EPHA4: variants seen among roughly 807,000 people sequenced by gnomAD.
The protein encoded by EPHA4 is ephrin type-A receptor 4.
EPHA4 carries 19 observed loss-of-function variants against 108.3 expected under a neutral mutation model. The observed-to-expected ratio is 0.18, with a 90% CI of 0.12 to 0.26. The LOEUF (loss-of-function observed/expected upper bound fraction) is 0.26, where lower values mean the gene tolerates loss of function less well. EPHA4 is among the 10% of genes least tolerant of loss of function. The probability of loss-of-function intolerance (pLI) is 1.00; values close to 1 mark genes in which losing one functional copy is unlikely to be tolerated. For synonymous variants in EPHA4, 449 were observed against 455.5 expected, an observed-to-expected ratio of 0.99 and a Z score of 0.18; for missense variants, 917 against 1,254.0, an observed-to-expected ratio of 0.73 and a Z score of 4.06.
chr2:221,470,897 G>T (rs1199274671), intron 5 of EPHA4, among the ~76,000 whole-genome samples: 2 of 152,028 alleles, frequency 1.3e-5, no homozygotes, highest in African/African-American at 4.8e-5. Context: ...CAAAAGCTAT[G>T]GTACAGGTTA....
intron 3 of EPHA4, among the ~76,000 whole-genome samples, chr2:221,503,913 C>T (rs1286124248): frequency 1.3e-5 from 2 of 152,178 alleles, no homozygotes; most frequent in Non-Finnish European, 2.9e-5. Flanking sequence ...TAGTACATTT[C>T]TTTGCTCTAT....
rs775214398 is a variant in EPHA4 at position 221,563,861 on chromosome 2, G to A, written c.693C>T (p.Gly231=). 1.1e-5 allele frequency: 18 copies of A among 1,614,078 alleles called. No individual in the cohort carries two copies. The African/African-American group carries it at 2.3e-4, about 20-fold the overall frequency. Residue 231 remains glycine, a synonymous_variant, in exon 3 of 18, where the codon GGC becomes GGT. Coordinates refer to ENST00000281821, the MANE Select transcript of EPHA4 (RefSeq NM_004438.5). ...ADTSSLVEVR[G]SCVNNSEEKD... ...TCTCTTCTGAGTTGTTGACACAGGAGCCTCGAACTTCCACCAGGGAAGACG... is the reference window on the plus strand; with the variant it reads ...TCTCTTCTGAGTTGTTGACACAGGAACCTCGAACTTCCACCAGGGAAGACG...
rs1189646643 is a variant in EPHA4 at position 221,418,385 on chromosome 2, T to C, written c.*2987A>G. 2 of 152,628 alleles carry C rather than the reference T, an allele frequency of 1.3e-5. No individual in the cohort carries two copies. The highest frequency in any genetic ancestry group is 3.8e-4 in the East Asian group (2 of 5,196). 9.5% of individuals were successfully genotyped at this position (152,628 alleles called of 1,614,324 possible). On this transcript the variant is annotated 3_prime_UTR_variant, in exon 18 of 18. Transcript: ENST00000281821. ...GTGATACAAAAAATAAACGCACTCT[T>C]CAGTGTGTATCAATGCTTGATGTTG...
chr2:221,503,022 T>G (rs1474228578), intron 3 of EPHA4, among the ~76,000 whole-genome samples: 2 of 152,284 alleles, frequency 1.3e-5, no homozygotes, highest in Non-Finnish European at 2.9e-5. Context: ...TTGATTAAAA[T>G]CAGAAACCCT....
At chr2:221,446,553 G>C (rs558748115) in intron 8 of EPHA4, among the ~76,000 whole-genome samples, 1 of 151,854 alleles carries the variant, frequency 6.6e-6, no homozygotes, top group Non-Finnish European at 1.5e-5. Context: ...ATATGTACAT[G>C]TGTGTATATG....
intron 5 of EPHA4, among the ~76,000 whole-genome samples, chr2:221,473,833 G>A (rs1691572972): frequency 6.6e-6 from 1 of 152,132 alleles, no homozygotes; most frequent in Non-Finnish European, 1.5e-5. Flanking sequence ...TCCAGAGGGT[G>A]TAAAAGTTGG....
chr2:221,525,341 G>C (rs1693290938), intron 3 of EPHA4, among the ~76,000 whole-genome samples: 1 of 152,296 alleles, frequency 6.6e-6, no homozygotes, highest in Admixed American at 6.5e-5. Flanking sequence ...TCTGACTCGT[G>C]GTCTGGATAG....
chr2:221,456,481 G>T, intron 7 of EPHA4, 132 bp downstream of exon 7: 2 of 818,254 alleles, frequency 2.4e-6, no homozygotes, highest in Non-Finnish European at 3.7e-6. Flanking sequence ...CTTATTTCAA[G>T]ACATATTCAT....
intron 3 of EPHA4, among the ~76,000 whole-genome samples, chr2:221,540,502 C>T (rs1169723774): frequency 6.6e-6 from 1 of 152,146 alleles, no homozygotes; most frequent in Admixed American, 6.5e-5. Flanking sequence ...CTGATACAAC[C>T]TTTTTCAAGA....
At chr2:221,492,384 A>T (rs961482543) in intron 4 of EPHA4, among the ~76,000 whole-genome samples, 1 of 152,212 alleles carries the variant, frequency 6.6e-6, no homozygotes, top group Non-Finnish European at 1.5e-5. Context: ...AAAAGAATTC[A>T]GTGAGATGAT....
chr2:221,418,465 T>G lies in EPHA4; in HGVS notation c.*2907A>C, dbSNP rs1689645897. On this transcript the variant is annotated 3_prime_UTR_variant, in exon 18 of 18. Transcript: ENST00000281821. The stretch of plus-strand genomic sequence containing the variant: ...TGCTTCTAGAACTTTCCTTTATGGG[T>G]CAGAATTTAAGTGTCTTCAGACAAA... 6.6e-6 allele frequency: 1 copy of G among 152,620 alleles called. No individual in the cohort carries two copies. The highest frequency in any genetic ancestry group is 6.5e-5 in the Admixed American group (1 of 15,280). 9.5% of individuals were successfully genotyped at this position (152,620 alleles called of 1,614,324 possible).
chr2:221,523,517 C>T (rs375362291), intron 3 of EPHA4, among the ~76,000 whole-genome samples: 1 of 151,926 alleles, frequency 6.6e-6, no homozygotes, highest in Non-Finnish European at 1.5e-5. Context: ...GAACTCCCAA[C>T]CTCAGGTGAT....
intron 3 of EPHA4, among the ~76,000 whole-genome samples, chr2:221,549,996 C>G (rs550760370): frequency 2.8e-4 from 42 of 152,212 alleles, no homozygotes; most frequent in Non-Finnish European, 4.0e-4. Flanking sequence ...AACAAACAAA[C>G]AAACAAAAAC....
chr2:221,537,808 A>G (rs924351728), intron 3 of EPHA4, among the ~76,000 whole-genome samples: 2 of 152,208 alleles, frequency 1.3e-5, no homozygotes, highest in African/African-American at 4.8e-5. Context: ...AGAAGAAAGA[A>G]GGAAGAAGAA....
At chr2:221,493,441 TTAAAAAAATAAAAAA>T (rs1001319111) in intron 4 of EPHA4, among the ~76,000 whole-genome samples, 5 of 151,836 alleles carry the variant, frequency 3.3e-5, no homozygotes, top group South Asian at 2.1e-4. Context: ...ATTAAAGCCC[TTAAAAAAATAAAAAA>T]TAAAAAAATA....
chr2:221,468,534 C>A (rs1691386353), intron 5 of EPHA4, among the ~76,000 whole-genome samples: 1 of 152,176 alleles, frequency 6.6e-6, no homozygotes, highest in East Asian at 1.9e-4. Context: ...GTGTTAGGAA[C>A]CCATGAGACA....
At chr2:221,464,441 C>T (rs981731282) in intron 5 of EPHA4, among the ~76,000 whole-genome samples, 8 of 152,120 alleles carry the variant, frequency 5.3e-5, no homozygotes, top group Non-Finnish European at 1.0e-4. Flanking sequence ...TTAAGGGTTT[C>T]GCGTCTCTGA....
In EPHA4 at chr2:221,572,257, G is replaced by A. The variant is rs1174628838; in HGVS notation, c.-9C>T. The A allele has an allele frequency of 3.1e-6, 5 of 1,611,748 alleles. No individual in the cohort carries two copies. Among genetic ancestry groups the A allele is most frequent in the Admixed American group, 1.7e-5 (1 of 60,032 alleles). On this transcript the variant is annotated 5_prime_UTR_variant, in exon 1 of 18. Coordinates refer to ENST00000281821, the MANE Select transcript of EPHA4 (RefSeq NM_004438.5). ...TAGAAAATCCCAGCCATGGTTCGCC[G>A]GTGCCAACGCTGCTCCTGCCGCTTC...
intron 9 of EPHA4, among the ~76,000 whole-genome samples, chr2:221,445,673 C>T (rs918906021): frequency 6.0e-5 from 9 of 150,402 alleles, no homozygotes; most frequent in Non-Finnish European, 1.3e-4. Context: ...CTCTTTGGAA[C>T]ATCAAAATTA....
Sources: gnomAD v4.1 joint callset for allele counts (sites outside exome capture counted in the v4.1 genomes callset) on GRCh38, gnomAD v4.1.1 for gene constraint, MANE v1.5 for transcripts, NCBI Gene and HGNC (gene_info 2026-07-23, HGNC 2026-07-21) for gene names.